Variants in RCOR3 observed in about 807,000 individuals in gnomAD.
RCOR3 encodes the protein REST corepressor 3.
In RCOR3, 13 loss-of-function variants were observed where a neutral mutation model predicts 64.1. The ratio of observed to expected loss-of-function variants is 0.20; its 90% CI spans 0.13 to 0.32. The LOEUF (loss-of-function observed/expected upper bound fraction) is 0.32. RCOR3 is among the 10% of genes least tolerant of loss of function. RCOR3 has a pLI of 1.00. For missense variants in RCOR3, 489 were observed against 701.2 expected (o/e 0.70, Z 3.42); for synonymous variants, 215 against 239.0 (o/e 0.90, Z 0.93).
At chr1:211,299,436 G>T (rs1030699447) in intron 9 of RCOR3, among the ~76,000 whole-genome samples, 1 of 152,178 alleles carries the variant, frequency 6.6e-6, no homozygotes, top group Non-Finnish European at 1.5e-5. Context: ...ACTGAAAAAA[G>T]AGTGCTTTTT....
chr1:211,287,789 G>A (rs1698726838), intron 7 of RCOR3, among the ~76,000 whole-genome samples: 1 of 152,148 alleles, frequency 6.6e-6, no homozygotes, highest in African/African-American at 2.4e-5. Flanking sequence ...GCTGAGGCAG[G>A]AGAATTGCTT....
rs1695122558 is a variant in RCOR3, at chr1:211,266,020, T to C, written c.224-5212T>C. Among the ~76,000 whole-genome samples, 3 of 152,260 alleles carry C rather than the reference T, an allele frequency of 2.0e-5. No homozygotes were observed. The South Asian group carries it at 6.2e-4, about 32-fold the overall frequency. ...AGAGATGATGGAAGTAGAATGAATC[T>C]AACCTCTTATCATTTGACCGCAGGT... On this transcript the variant is annotated intron_variant, in intron 2 of 11. Coordinates refer to ENST00000419091, the MANE Select transcript of RCOR3 (RefSeq NM_001136223.3).
At chr1:211,289,630 G>A (rs557485214) in intron 8 of RCOR3, among the ~76,000 whole-genome samples, 1 of 152,226 alleles carries the variant, frequency 6.6e-6, no homozygotes, top group South Asian at 2.1e-4. Context: ...ATTAACCTCT[G>A]TAAGCTTCAA....
At chr1:211,308,661 G>GTTT (rs780896956) in intron 10 of RCOR3, among the ~76,000 whole-genome samples, 24 of 27,462 alleles carry the variant, frequency 8.7e-4, no homozygotes, top group South Asian at 1.5e-3. Context: ...TTTTGGATGT[G>GTTT]TTTTTTTTTT....
intron 8 of RCOR3, among the ~76,000 whole-genome samples, chr1:211,292,432 C>T (rs989162864): frequency 1.3e-5 from 2 of 152,206 alleles, no homozygotes; most frequent in East Asian, 3.8e-4. Context: ...ATAAAGTGTA[C>T]TCAGTCACCT....
At position 211,274,256 on chromosome 1, in the gene RCOR3, G is replaced by A. The variant is rs1181960600; in HGVS notation, c.348G>A (p.Val116=). Residue 116 remains valine (V), a synonymous_variant, in exon 4 of 12, where the codon GTG becomes GTA. Coordinates refer to ENST00000419091, the MANE Select transcript of RCOR3 (RefSeq NM_001136223.3). ...CAAAGGAAAAGCATGGCTACAATGT[G>A]GAACAGGTATGTAGAGAAACACTTC... ...AIAKEKHGYN[V]EQALGMLFWH... The A allele has an allele frequency of 6.3e-7, 1 of 1,599,662 alleles. No individual in the cohort carries two copies. The highest frequency in any genetic ancestry group is 1.7e-5 in the Admixed American group (1 of 59,802).
chr1:211,269,147 TGGTAATTATC>T (rs1012317475), intron 2 of RCOR3, among the ~76,000 whole-genome samples: 1 of 151,054 alleles, frequency 6.6e-6, no homozygotes, highest in Non-Finnish European at 1.5e-5. Context: ...TGGCTATTAA[TGGTAATTATC>T]GGTACCACAT....
At position 211,314,958 on chromosome 1, in the gene RCOR3, A is replaced by G. The variant is rs919434799; in HGVS notation, c.*1190A>G. 2.0e-5 allele frequency: 3 copies of G among 152,198 alleles called. No homozygotes were observed. The highest frequency in any genetic ancestry group is 7.2e-5 in the African/African-American group (3 of 41,454). 9.4% of individuals were successfully genotyped at this position (152,198 alleles called of 1,614,324 possible). ...TCTAAAGATGTATCAGTATATTGTC[A>G]CAGTTGTGCTGTTAACTAAAAATGC... On this transcript the variant is annotated 3_prime_UTR_variant, in exon 12 of 12. Transcript: ENST00000419091.
At chr1:211,275,721 A>T (rs1218419686) in intron 4 of RCOR3, among the ~76,000 whole-genome samples, 1 of 152,296 alleles carries the variant, frequency 6.6e-6, no homozygotes, top group East Asian at 1.9e-4. Flanking sequence ...TCTGATAATA[A>T]GTAAATGTGG....
chr1:211,294,613 G>A (rs1439177536), intron 8 of RCOR3, among the ~76,000 whole-genome samples: 24 of 127,936 alleles, frequency 1.9e-4, no homozygotes, highest in African/African-American at 6.1e-4. Flanking sequence ...TTTTTGAGAC[G>A]GAGTCTCGCT....
chr1:211,274,303 A>G, intron 4 of RCOR3, 41 bp downstream of exon 4: 2 of 1,356,482 alleles, frequency 1.5e-6, no homozygotes, highest in Non-Finnish European at 2.1e-6. Context: ...TTGTCCCAAT[A>G]TTTACCAAAT....
At chr1:211,296,991 G>A (rs1553260164) in intron 9 of RCOR3, among the ~76,000 whole-genome samples, 1 of 151,920 alleles carries the variant, frequency 6.6e-6, no homozygotes, top group Non-Finnish European at 1.5e-5. Flanking sequence ...TAGTAAGTGT[G>A]AAAAATAAAA....
intron 10 of RCOR3, among the ~76,000 whole-genome samples, chr1:211,308,698 T>TTTTTTTTTTTTTTTTTTTTG (rs1701171863): frequency 2.4e-5 from 1 of 40,846 alleles, no homozygotes; most frequent in African/African-American, 6.9e-5. Context: ...TTTTTTTTTT[T>TTTTTTTTTTTTTTTTTTTTG]TGTGTAGTCC....
At chr1:211,269,387 G>C (rs1695776303) in intron 2 of RCOR3, among the ~76,000 whole-genome samples, 1 of 152,056 alleles carries the variant, frequency 6.6e-6, no homozygotes, top group Non-Finnish European at 1.5e-5. Context: ...CACGAGGTCA[G>C]GAGTTCAAGA....
rs1471433029 is a variant in RCOR3, at chr1:211,261,912, A to C, written c.223+1748A>C. 5.3e-5 allele frequency among the ~76,000 whole-genome samples: 3 copies of C among 56,160 alleles called. No individual in the cohort carries two copies. The Admixed American group carries it at 9.0e-4, about 17-fold the overall frequency. 36.8% of individuals were successfully genotyped at this position (56,160 alleles called of 152,430 possible). A position where few individuals can be genotyped will look rare whatever the true frequency, so the allele number is the denominator to read the frequency against. On this transcript the variant is annotated intron_variant, in intron 2 of 11. Coordinates refer to ENST00000419091, the MANE Select transcript of RCOR3 (RefSeq NM_001136223.3). Reference sequence around the variant, plus strand: ...GCACTCCAGCCTGGGCAACAGAGTGAGACTCCATCTCAAAAAAAAAAAAAA... The same window carrying C: ...GCACTCCAGCCTGGGCAACAGAGTGCGACTCCATCTCAAAAAAAAAAAAAA...
In RCOR3 at chr1:211,271,214, A is replaced by C. The variant is rs768902523; in HGVS notation, c.224-18A>C. The C allele has an allele frequency of 4.4e-6, 7 of 1,602,324 alleles. No individual in the cohort carries two copies. Among genetic ancestry groups the C allele is most frequent in the Non-Finnish European group, 5.1e-6 (6 of 1,170,838 alleles). ...AATAAAATCCATCATATTCAAAGTA[A>C]TTATCTTTTTCCCCCAGGTGCTACA... On this transcript the variant is annotated intron_variant, in intron 2 of 11. Coordinates refer to ENST00000419091, the MANE Select transcript of RCOR3 (RefSeq NM_001136223.3).
At chr1:211,280,651 T>C (rs532256779) in intron 7 of RCOR3, among the ~76,000 whole-genome samples, 1 of 152,288 alleles carries the variant, frequency 6.6e-6, no homozygotes, top group Admixed American at 6.5e-5. Flanking sequence ...TTTCAACCTT[T>C]CAGTGCAGCC....
rs1280884328 is a variant in RCOR3, at chr1:211,295,544, G to A, written c.940-132G>A. 1.2e-5 allele frequency: 8 copies of A among 694,810 alleles called. 1 individual carries two copies. The Admixed American group carries it at 1.7e-4, about 15-fold the overall frequency. 43.0% of individuals were successfully genotyped at this position (694,810 alleles called of 1,614,324 possible). ...ATTAGTGGCATGTCATACCCCAAGT[G>A]TGATTAGTATGACTATTCTCCTAAA... On this transcript the variant is annotated intron_variant, in intron 8 of 11. Transcript: ENST00000419091.
intron 9 of RCOR3, among the ~76,000 whole-genome samples, chr1:211,297,058 G>C (rs894351929): frequency 6.6e-6 from 1 of 151,986 alleles, no homozygotes; most frequent in African/African-American, 2.4e-5. Flanking sequence ...AGAAAGAAAA[G>C]CTGAATAATT....
Sources: allele counts gnomAD v4.1 joint callset (sites outside exome capture counted in the v4.1 genomes callset), GRCh38; gene constraint gnomAD v4.1.1; transcripts MANE v1.5; gene names NCBI Gene and HGNC (gene_info 2026-07-23, HGNC 2026-07-21).